The following FBXO34 variants were observed in gnomAD, a reference collection of about 807,000 sequenced individuals.
The protein encoded by FBXO34 is F-box protein 34.
In FBXO34, 12 loss-of-function variants were observed where a neutral mutation model predicts 24.5. The observed-to-expected ratio is 0.49, with a 90% CI of 0.31 to 0.79. FBXO34 has a LOEUF of 0.79. Ranked by LOEUF, FBXO34 falls within the 30% of genes least tolerant of loss-of-function variation. The probability of loss-of-function intolerance (pLI) is 0.04; values close to 1 mark genes in which losing one functional copy is unlikely to be tolerated. For missense variants in FBXO34, 823 were observed against 857.7 expected, an observed-to-expected ratio of 0.96 and a Z score of 0.51; for synonymous variants, 320 against 311.9, an observed-to-expected ratio of 1.03 and a Z score of -0.27.
chr14:55,390,897 C>G, the FBXO34 span: 51 of 1,541,046 alleles, frequency 3.3e-5, no homozygotes, highest in Non-Finnish European at 4.1e-5. Flanking sequence ...GAAGGAAGGA[C>G]ACGAATTACT....
At chr14:55,326,983 A>T (rs767022691) in intron 1 of FBXO34, among the ~76,000 whole-genome samples, 16 of 152,178 alleles carry the variant, frequency 1.1e-4, no homozygotes, top group Non-Finnish European at 2.2e-4. Flanking sequence ...AGAACAGATG[A>T]TCTAGTGGAG....
At chr14:55,426,621 G>C in the FBXO34 span, among the ~76,000 whole-genome samples, 1 of 152,044 alleles carries the variant, frequency 6.6e-6, no homozygotes, top group Non-Finnish European at 1.5e-5. Context: ...ATAACCTGAG[G>C]CTGACAGCCG....
the FBXO34 span, chr14:55,424,224 A>G: frequency 6.2e-7 from 1 of 1,613,382 alleles, no homozygotes; most frequent in East Asian, 2.2e-5. Context: ...CATTCTATAA[A>G]TAAGACCAGG....
At chr14:55,284,499 T>C (rs1038167792) in intron 1 of FBXO34, among the ~76,000 whole-genome samples, 4,278 of 124,290 alleles carry the variant, frequency 0.034, 79 homozygotes, top group Non-Finnish European at 0.048. Context: ...GCAACAAGAG[T>C]GAACCTCTGT....
chr14:55,386,179 G>A, the FBXO34 span: 1 of 1,180,670 alleles, frequency 8.5e-7, no homozygotes, highest in Admixed American at 2.3e-5. Context: ...AAACATGCGT[G>A]TTTTCCCTTG....
At chr14:55,283,234 C>A (rs1266181545) in intron 1 of FBXO34, among the ~76,000 whole-genome samples, 3 of 151,838 alleles carry the variant, frequency 2.0e-5, no homozygotes, top group Non-Finnish European at 4.4e-5. Flanking sequence ...ATTTTCTTTG[C>A]TGTATTTTAC....
chr14:55,371,661 G>C (rs1884820376), downstream of FBXO34, among the ~76,000 whole-genome samples: 1 of 152,140 alleles, frequency 6.6e-6, no homozygotes, highest in Admixed American at 6.5e-5. Context: ...AAAATTAGCT[G>C]GGTGTGATGG....
At chr14:55,380,981 A>G in the FBXO34 span, among the ~76,000 whole-genome samples, 1 of 151,320 alleles carries the variant, frequency 6.6e-6, no homozygotes, top group African/African-American at 2.4e-5. Flanking sequence ...TGATAACGTA[A>G]TATCAAAACA....
chr14:55,276,393 CCATT>C (rs1303405973), intron 1 of FBXO34, among the ~76,000 whole-genome samples: 1 of 152,130 alleles, frequency 6.6e-6, no homozygotes, highest in East Asian at 1.9e-4. Flanking sequence ...ATCGGTCTAT[CCATT>C]CATCAATCCT....
intron 1 of FBXO34, among the ~76,000 whole-genome samples, chr14:55,301,100 A>G (rs761063898): frequency 1.3e-5 from 2 of 152,192 alleles, no homozygotes; most frequent in South Asian, 4.1e-4. Flanking sequence ...ACTACTTTTC[A>G]TAGAACGAAC....
intron 1 of FBXO34, among the ~76,000 whole-genome samples, chr14:55,293,395 G>T (rs1249013541): frequency 6.6e-6 from 1 of 152,130 alleles, no homozygotes; most frequent in Non-Finnish European, 1.5e-5. Context: ...TGTTGGCCAG[G>T]CTGGTCTTGA....
At chr14:55,275,946 T>C (rs1881327926) in intron 1 of FBXO34, among the ~76,000 whole-genome samples, 1 of 143,708 alleles carries the variant, frequency 7.0e-6, no homozygotes, top group East Asian at 2.0e-4. Flanking sequence ...TAGCTTATCA[T>C]AGCCCAAGAC....
the FBXO34 span, among the ~76,000 whole-genome samples, chr14:55,387,516 T>C: frequency 3.9e-5 from 6 of 152,192 alleles, no homozygotes; most frequent in Non-Finnish European, 7.3e-5. Context: ...GCATAGCTCT[T>C]GGTTCCTCAG....
Position 55,351,150 on chromosome 14 carries a change from G to A in FBXO34, c.760G>A (p.Ala254Thr), listed in dbSNP as rs1486234637. 6.2e-7 allele frequency: 1 copy of A among 1,614,176 alleles called. No homozygotes were observed. Among genetic ancestry groups the A allele is most frequent in the Non-Finnish European group, 8.5e-7 (1 of 1,180,034 alleles). ...GVPAVSESYS[A>T]PGACEEPTER... is the part of the protein sequence containing the mutation. ...GCCTGCAGTGTCTGAGTCCTATTCT[G>A]CCCCAGGAGCTTGTGAAGAACCCAC... The change falls in exon 2 of 2, where the codon GCC (alanine) becomes ACC (threonine). Residue 254 changes from alanine (A) to threonine (T), a missense_variant. Coordinates refer to ENST00000313833, the MANE Select transcript of FBXO34 (RefSeq NM_017943.4).
At chr14:55,288,327 T>C (rs1341754858) in intron 1 of FBXO34, among the ~76,000 whole-genome samples, 2 of 152,116 alleles carry the variant, frequency 1.3e-5, no homozygotes, top group Non-Finnish European at 2.9e-5. Flanking sequence ...AATCATTACA[T>C]AGAAATAAGT....
At chr14:55,276,065 T>C (rs1881332487) in intron 1 of FBXO34, among the ~76,000 whole-genome samples, 1 of 152,166 alleles carries the variant, frequency 6.6e-6, no homozygotes, top group Non-Finnish European at 1.5e-5. Flanking sequence ...CCAGAACTAG[T>C]CTATCTAGGC....
At chr14:55,440,420 G>A in the FBXO34 span, 2 of 1,613,092 alleles carry the variant, frequency 1.2e-6, no homozygotes, top group Non-Finnish European at 1.7e-6. Context: ...GGTCCAGGTA[G>A]AGCTCCAGGT....
Position 55,352,582 on chromosome 14 carries a change from T to TA in FBXO34, c.*57dup, listed in dbSNP as rs1884428877. ...TTTCTAAAGCTGCAAAACACCTAGA[T>TA]ACACCGTTCAAATGAGCGTAGCCCC... On this transcript the variant is annotated 3_prime_UTR_variant, in exon 2 of 2. Coordinates refer to ENST00000313833, the MANE Select transcript of FBXO34 (RefSeq NM_017943.4). 1 of 1,427,898 alleles carries TA rather than the reference T, an allele frequency of 7.0e-7. No homozygotes were observed. The highest frequency in any genetic ancestry group is 9.5e-7 in the Non-Finnish European group (1 of 1,054,512). 88.5% of individuals were successfully genotyped at this position (1,427,898 alleles called of 1,614,324 possible). A position where few individuals can be genotyped will look rare whatever the true frequency, so the allele number is the denominator to read the frequency against.
chr14:55,296,391 GTTTTTTTTTTTT>G (rs1167344634), intron 1 of FBXO34, among the ~76,000 whole-genome samples: 2 of 64,764 alleles, frequency 3.1e-5, no homozygotes, highest in African/African-American at 5.7e-5. Context: ...TGTTTTTTTT[GTTTTTTTTTTTT>G]TTTTTTTTTT....
Sources: gnomAD v4.1 joint callset for allele counts (sites outside exome capture counted in the v4.1 genomes callset) on GRCh38, gnomAD v4.1.1 for gene constraint, MANE v1.5 for transcripts, NCBI Gene and HGNC (gene_info 2026-07-23, HGNC 2026-07-21) for gene names.